IYD: variants seen among roughly 807,000 people sequenced by gnomAD.
IYD encodes iodotyrosine deiodinase 1.
IYD carries 25 observed loss-of-function variants against 28.4 expected under a neutral mutation model. The ratio of observed to expected loss-of-function variants is 0.88; its 90% CI spans 0.64 to 1.23. The LOEUF is 1.23. IYD is among the 50% of genes most tolerant of loss of function. The pLI, the probability that IYD is intolerant of heterozygous loss-of-function variation, is 0.00. For missense variants in IYD, 352 were observed against 357.9 expected (o/e 0.98, Z 0.13); for synonymous variants, 140 against 130.8 (o/e 1.07, Z -0.48).
chr6:150,380,823 T>G (rs1777620740), intron 1 of IYD, among the ~76,000 whole-genome samples: 1 of 152,190 alleles, frequency 6.6e-6, no homozygotes, highest in South Asian at 2.1e-4. Context: ...CAGCCCTTCT[T>G]CCTTCTAAAG....
chr6:150,369,677 G>C (rs895654385), intron 1 of IYD, among the ~76,000 whole-genome samples: 1 of 152,164 alleles, frequency 6.6e-6, no homozygotes, highest in Non-Finnish European at 1.5e-5. Flanking sequence ...GTCCAGTTCA[G>C]CTGCCAAGAT....
In IYD at chr6:150,400,708, C is replaced by T. The variant is rs1165355147; in HGVS notation, c.*2471C>T. On this transcript the variant is annotated 3_prime_UTR_variant, in exon 5 of 5. Coordinates refer to ENST00000344419, the MANE Select transcript of IYD (RefSeq NM_203395.3). ...GGGCCTGTATCATCATTGGGACCAC[C>T]TGGGCGCTTGTTAGAATCAAAGACT... The T allele has an allele frequency of 6.6e-6, 1 of 152,198 alleles. No individual in the cohort carries two copies. The highest frequency in any genetic ancestry group is 1.5e-5 in the Non-Finnish European group (1 of 68,028). 9.4% of individuals were successfully genotyped at this position (152,198 alleles called of 1,614,324 possible). A position where few individuals can be genotyped will look rare whatever the true frequency, so the allele number is the denominator to read the frequency against.
chr6:150,380,273 A>T (rs982861), intron 1 of IYD, among the ~76,000 whole-genome samples: 8,081 of 152,162 alleles, frequency 0.053, 263 homozygotes, highest in Middle Eastern at 0.15. Flanking sequence ...CCCACCAGAG[A>T]TTTTTATTCC....
intron 4 of IYD, chr6:150,396,145 CTG>C (rs1778305554): frequency 4.0e-6 from 1 of 252,346 alleles, no homozygotes; most frequent in Non-Finnish European, 7.5e-6. Flanking sequence ...ATGAAAATAA[CTG>C]TGGATTTCAT....
intron 1 of IYD, chr6:150,370,788 G>A: frequency 2.5e-6 from 1 of 399,052 alleles, no homozygotes; most frequent in African/African-American, 2.2e-5. Context: ...TTGGATATTG[G>A]GAAAAGGAGG....
chr6:150,388,446 G>A (rs1777960049), intron 1 of IYD, among the ~76,000 whole-genome samples: 1 of 152,086 alleles, frequency 6.6e-6, no homozygotes, highest in Non-Finnish European at 1.5e-5. Context: ...CAAATTTCTT[G>A]CTATGTTGTA....
At chr6:150,392,042 A>G (rs1778139845) in intron 2 of IYD, among the ~76,000 whole-genome samples, 1 of 152,062 alleles carries the variant, frequency 6.6e-6, no homozygotes, top group Non-Finnish European at 1.5e-5. Context: ...CTTAAAAAAA[A>G]AAAAGTTTTT....
intron 1 of IYD, among the ~76,000 whole-genome samples, chr6:150,380,179 A>G (rs902685139): frequency 1.3e-5 from 2 of 152,188 alleles, no homozygotes; most frequent in Admixed American, 1.3e-4. Flanking sequence ...ACTTTACCAA[A>G]TGTAATTTGC....
At chr6:150,393,985 T>G (rs1238175188) in intron 3 of IYD, 114 bp from the exon 4 acceptor site, 3 of 1,102,074 alleles carry the variant, frequency 2.7e-6, no homozygotes, top group Non-Finnish European at 3.9e-6. Flanking sequence ...CTTTTCAATT[T>G]AAATATAAAA....
In IYD at chr6:150,369,099, C is replaced by A; in HGVS notation, c.68C>A (p.Ala23Asp). 1 of 1,613,864 alleles carries A rather than the reference C, an allele frequency of 6.2e-7. No individual in the cohort carries two copies. The highest frequency in any genetic ancestry group is 1.7e-5 in the Admixed American group (1 of 59,992). Residue 23 changes from alanine to aspartate, a missense_variant, in exon 1 of 5, where the codon GCC becomes GAC. Ala to Asp is a moderately radical substitution (Grantham distance 126). Coordinates refer to ENST00000344419, the MANE Select transcript of IYD (RefSeq NM_203395.3). ...TTGGTTGTGTGGATCTTTAAAAATG[C>A]CGACAGAAGCATGGAGAAAAAGAAG... ...CILVVWIFKNADRSMEKKKGE... is the reference protein window; with the variant it reads ...CILVVWIFKNDDRSMEKKKGE...
chr6:150,390,258 T>C (rs966228265), intron 2 of IYD, among the ~76,000 whole-genome samples: 10 of 152,230 alleles, frequency 6.6e-5, no homozygotes, highest in Non-Finnish European at 8.8e-5. Context: ...AATAAAATAC[T>C]TTACTTCAGT....
intron 4 of IYD, chr6:150,395,778 A>G (rs1329919635): frequency 1.5e-6 from 1 of 660,772 alleles, no homozygotes; most frequent in Non-Finnish European, 2.7e-6. Context: ...GGTCAGGTTT[A>G]GAGGTGGTGA....
chr6:150,370,416 TGCGC>T (rs1777198324), intron 1 of IYD: 1 of 833,982 alleles, frequency 1.2e-6, no homozygotes, highest in African/African-American at 1.9e-5. Flanking sequence ...TGTGTGTGCG[TGCGC>T]ATGAGTGTGT....
chr6:150,387,351 A>C (rs1777904510), intron 1 of IYD, among the ~76,000 whole-genome samples: 1 of 151,736 alleles, frequency 6.6e-6, no homozygotes, highest in South Asian at 2.1e-4. Flanking sequence ...CCTTGAGGCC[A>C]GGAGTTTGAG....
chr6:150,399,893 T>C lies in IYD; in HGVS notation c.*1656T>C, dbSNP rs988774945. Reference sequence around the variant, plus strand: ...CACCTCCCAAAGGACCCCCTCCTAATACCATCACATTGGGGGTTAGGGTTT... The same window carrying C: ...CACCTCCCAAAGGACCCCCTCCTAACACCATCACATTGGGGGTTAGGGTTT... On this transcript the variant is annotated 3_prime_UTR_variant, in exon 5 of 5. Coordinates refer to ENST00000344419, the MANE Select transcript of IYD (RefSeq NM_203395.3). The C allele has an allele frequency of 6.6e-6, 1 of 152,244 alleles. No homozygotes were observed. Among genetic ancestry groups the C allele is most frequent in the Non-Finnish European group, 1.5e-5 (1 of 68,128 alleles). The allele number at this position is 152,244 out of a possible 1,614,324, so 9.4% of individuals were successfully genotyped here.
In IYD at chr6:150,370,412, T is replaced by C. The variant is rs565340104; in HGVS notation, c.178+1203T>C. 9.8e-5 allele frequency: 79 copies of C among 807,064 alleles called. No homozygotes were observed. The African/African-American group carries it at 1.4e-3, about 14-fold the overall frequency. The allele number at this position is 807,064 out of a possible 1,614,324, so 50.0% of individuals were successfully genotyped here. ...GTGTGTGCATGCATGAATGTGTGTG[T>C]GCGTGCGCATGAGTGTGTTTGTGAG... On this transcript the variant is annotated intron_variant, in intron 1 of 4. Transcript: ENST00000344419.
chr6:150,384,476 C>A (rs934203216), intron 1 of IYD: 2 of 152,142 alleles, frequency 1.3e-5, no homozygotes, highest in African/African-American at 4.8e-5. Context: ...TATATTTTGC[C>A]TCCTAAGTTC....
chr6:150,395,354 A>G (rs1445998853), intron 4 of IYD: 5 of 1,461,236 alleles, frequency 3.4e-6, no homozygotes, highest in Non-Finnish European at 2.8e-6. Flanking sequence ...TGTATGTTGA[A>G]TAACACCTCC....
Position 150,394,183 on chromosome 6 carries a change from C to T in IYD, c.615C>T (p.Gly205=). Residue 205 remains glycine, a synonymous_variant, in exon 4 of 5, where the codon GGC becomes GGT. Coordinates refer to ENST00000344419, the MANE Select transcript of IYD (RefSeq NM_203395.3). ...AAGTACATGGTTTCGCCGCAAATGG[C>T]AAGAAAAAAGTCCACTACTACAATG... The part of the protein sequence containing the change: ...FKQVHGFAAN[G]KKKVHYYNEI... The T allele has an allele frequency of 6.2e-7, 1 of 1,614,094 alleles. No individual in the cohort carries two copies. Among genetic ancestry groups the T allele is most frequent in the Non-Finnish European group, 8.5e-7 (1 of 1,180,002 alleles).
Sources: allele counts gnomAD v4.1 joint callset (sites outside exome capture counted in the v4.1 genomes callset), GRCh38; gene constraint gnomAD v4.1.1; transcripts MANE v1.5; gene names NCBI Gene and HGNC (gene_info 2026-07-23, HGNC 2026-07-21).